Variants in NCBP2 observed in about 807,000 individuals in gnomAD.
NCBP2 encodes nuclear cap binding protein subunit 2.
Under a neutral mutation model 21.5 loss-of-function variants are expected in NCBP2, and 8 were observed. That is an observed-to-expected ratio of 0.37 (90% CI 0.22 to 0.67). NCBP2 has a LOEUF of 0.67. Ranked by LOEUF, NCBP2 falls within the 30% of genes least tolerant of loss-of-function variation. The pLI, the probability that NCBP2 is intolerant of heterozygous loss-of-function variation, is 0.56. For synonymous variants in NCBP2, 92 were observed against 75.8 expected (o/e 1.21, Z -1.11); for missense variants, 127 against 206.9 (o/e 0.61, Z 2.37).
At chr3:196,937,355 T>TC in intron 3 of NCBP2, 155 bp downstream of exon 3, 1 of 1,155,116 alleles carries the variant, frequency 8.7e-7, no homozygotes, top group Non-Finnish European at 1.2e-6. Flanking sequence ...AAAAAAAAAA[T>TC]TCACCCAAAC....
chr3:196,939,302 A>C lies in NCBP2; in HGVS notation c.209T>G (p.Ile70Ser). ...FSKSGDIKKI[I>S]MGLDKMKKTA... ...TTTCTTCATTTTATCCAGACCCATA[A>C]TGATTTTCTTTATGTCACCACTTTT... The change falls in exon 2 of 4, where the codon ATT (isoleucine) becomes AGT (serine). Residue 70 changes from isoleucine (I) to serine (S), a missense_variant. Coordinates refer to ENST00000321256, the MANE Select transcript of NCBP2 (RefSeq NM_007362.5). 6.2e-7 allele frequency: 1 copy of C among 1,613,978 alleles called. No individual in the cohort carries two copies. Among genetic ancestry groups the C allele is most frequent in the Non-Finnish European group, 8.5e-7 (1 of 1,179,848 alleles).
At chr3:196,939,180 G>C in intron 2 of NCBP2, 71 bp downstream of exon 2, 1 of 1,396,166 alleles carries the variant, frequency 7.2e-7, no homozygotes, top group East Asian at 2.3e-5. Flanking sequence ...ACGAGTGCAG[G>C]GACGCTTATG....
At chr3:196,940,183 A>G (rs1716465681) in intron 1 of NCBP2, 1 of 152,196 alleles carries the variant, frequency 6.6e-6, no homozygotes, top group African/African-American at 2.4e-5. Context: ...TGGCTAACAT[A>G]GTGAATGAAA....
In NCBP2 at chr3:196,937,743, C is replaced by G. The variant is rs775487281; in HGVS notation, c.261-95G>C. On this transcript the variant is annotated intron_variant, in intron 2 of 3. Transcript: ENST00000321256. ...GCTGAGTTGTTAAAAAGTACAAGAG[C>G]TAATCCAACCAGATGGAGTTCAAAG... 3.8e-4 allele frequency: 558 copies of G among 1,462,986 alleles called. 3 individuals carry two copies. The highest frequency in any genetic ancestry group is 3.0e-3 in the Middle Eastern group (17 of 5,710). 90.6% of individuals were successfully genotyped at this position (1,462,986 alleles called of 1,614,324 possible).
chr3:196,937,724 T>C, intron 2 of NCBP2, 76 bp from the exon 3 acceptor site: 5 of 1,569,300 alleles, frequency 3.2e-6, no homozygotes, highest in Non-Finnish European at 4.3e-6. Flanking sequence ...TGAAGCTGAG[T>C]TGTTAAAAAG....
At position 196,935,998 on chromosome 3, in the gene NCBP2, A is replaced by G. The variant is rs1383775054; in HGVS notation, c.*1013T>C. On this transcript the variant is annotated 3_prime_UTR_variant, in exon 4 of 4. Coordinates refer to ENST00000321256, the MANE Select transcript of NCBP2 (RefSeq NM_007362.5). Reference sequence around the variant, plus strand: ...GTGACTGTCAAACATTCCCTCTTCAAGCTCCCTTTTAAAACCCAGTCCATT... The same window carrying G: ...GTGACTGTCAAACATTCCCTCTTCAGGCTCCCTTTTAAAACCCAGTCCATT... The G allele has an allele frequency of 1.3e-5, 2 of 152,298 alleles. No homozygotes were observed. The highest frequency in any genetic ancestry group is 1.3e-4 in the Admixed American group (2 of 15,294). The allele number at this position is 152,298 out of a possible 1,614,324, so 9.4% of individuals were successfully genotyped here. A position where few individuals can be genotyped will look rare whatever the true frequency, so the allele number is the denominator to read the frequency against.
chr3:196,939,215 G>C, intron 2 of NCBP2, 36 bp downstream of exon 2: 1 of 1,583,746 alleles, frequency 6.3e-7, no homozygotes, highest in Non-Finnish European at 8.7e-7. Context: ...GCTCTACCCT[G>C]GTTCAGCAGC....
In NCBP2 at chr3:196,936,167, C is replaced by A. The variant is rs1025351997; in HGVS notation, c.*844G>T. 3 of 152,182 alleles carry A rather than the reference C, an allele frequency of 2.0e-5. No individual in the cohort carries two copies. The highest frequency in any genetic ancestry group is 4.4e-5 in the Non-Finnish European group (3 of 68,032). 9.4% of individuals were successfully genotyped at this position (152,182 alleles called of 1,614,324 possible). A position where few individuals can be genotyped will look rare whatever the true frequency, so the allele number is the denominator to read the frequency against. On this transcript the variant is annotated 3_prime_UTR_variant, in exon 4 of 4. Coordinates refer to ENST00000321256, the MANE Select transcript of NCBP2 (RefSeq NM_007362.5). The stretch of plus-strand genomic sequence containing the variant: ...AATTATTTAGAGGTTCCCTCTATGA[C>A]AAACCCTTGCTTTTTTTTAGCTTTA...
rs1716252870 is a variant in NCBP2 at position 196,936,155 on chromosome 3, T to A, written c.*856A>T. On this transcript the variant is annotated 3_prime_UTR_variant, in exon 4 of 4. Transcript: ENST00000321256. ...CCCTACCCCTGAAATTATTTAGAGG[T>A]TCCCTCTATGACAAACCCTTGCTTT... The A allele has an allele frequency of 1.3e-5, 2 of 152,200 alleles. No homozygotes were observed. The highest frequency in any genetic ancestry group is 2.9e-5 in the Non-Finnish European group (2 of 68,038). 9.4% of individuals were successfully genotyped at this position (152,200 alleles called of 1,614,324 possible). A position where few individuals can be genotyped will look rare whatever the true frequency, so the allele number is the denominator to read the frequency against.
chr3:196,940,437 G>A (rs1463383466), intron 1 of NCBP2, among the ~76,000 whole-genome samples: 3 of 151,902 alleles, frequency 2.0e-5, no homozygotes, highest in African/African-American at 7.3e-5. Flanking sequence ...GAACTTTGGA[G>A]TGAGACATTA....
At position 196,939,395 on chromosome 3, in the gene NCBP2, C is replaced by G; in HGVS notation, c.116G>C (p.Ser39Thr). Residue 39 changes from serine (S) to threonine (T), a missense_variant, in exon 2 of 4, where the codon AGC (serine) becomes ACC (threonine). Transcript: ENST00000321256. Reference sequence around the variant, plus strand: ...AAGATTTCCAACATATAACGTACAGCTTTTCTTCAGTAATTTTTCTTGTTC... The same window carrying G: ...AAGATTTCCAACATATAACGTACAGGTTTTCTTCAGTAATTTTTCTTGTTC... The part of the protein sequence containing the change: ...NEEQEKLLKK[S>T]CTLYVGNLSF... The G allele has an allele frequency of 6.2e-7, 1 of 1,609,330 alleles. No homozygotes were observed. The highest frequency in any genetic ancestry group is 8.5e-7 in the Non-Finnish European group (1 of 1,177,994).
chr3:196,939,244 A>G lies in NCBP2; in HGVS notation c.260+7T>C. 6.2e-7 allele frequency: 1 copy of G among 1,610,900 alleles called. No individual in the cohort carries two copies. The highest frequency in any genetic ancestry group is 8.5e-7 in the Non-Finnish European group (1 of 1,177,072). On this transcript the variant is annotated splice_region_variant and intron_variant, in intron 2 of 3. Transcript: ENST00000321256. ...CAGCAGCTACATTAGATCCATGGGA[A>G]GGATACTCCACAAAACAGAATCCAC...
At chr3:196,942,020 C>G in intron 1 of NCBP2, 2 of 1,535,726 alleles carry the variant, frequency 1.3e-6, no homozygotes, top group Non-Finnish European at 1.7e-6. Context: ...AAAAACAAAG[C>G]AAAAAGCCCC....
In NCBP2 at chr3:196,942,102, T is replaced by C. The variant is rs920554238; in HGVS notation, c.78+324A>G. The C allele has an allele frequency of 4.7e-6, 7 of 1,487,498 alleles. No homozygotes were observed. The African/African-American group carries it at 9.8e-5, about 21-fold the overall frequency. 92.1% of individuals were successfully genotyped at this position (1,487,498 alleles called of 1,614,324 possible). ...GGCACCCCTCCCCCTTGCTACGTAG[T>C]CGTCTGCGGAGGCACAACCGTGGAA... On this transcript the variant is annotated intron_variant, in intron 1 of 3. Coordinates refer to ENST00000321256, the MANE Select transcript of NCBP2 (RefSeq NM_007362.5).
intron 3 of NCBP2, 148 bp from the exon 4 acceptor site, chr3:196,937,230 C>A: frequency 1.2e-6 from 1 of 861,336 alleles, no homozygotes; most frequent in Non-Finnish European, 1.9e-6. Context: ...CAGCTCACTT[C>A]AGTGCGTTTT....
At position 196,935,651 on chromosome 3, in the gene NCBP2, G is replaced by GGAGA. The variant is rs1348220763; in HGVS notation, c.*1356_*1359dup. The GGAGA allele has an allele frequency of 6.6e-6, 1 of 152,128 alleles. No individual in the cohort carries two copies. The highest frequency in any genetic ancestry group is 1.5e-5 in the Non-Finnish European group (1 of 68,028). 9.4% of individuals were successfully genotyped at this position (152,128 alleles called of 1,614,324 possible). A position where few individuals can be genotyped will look rare whatever the true frequency, so the allele number is the denominator to read the frequency against. ...TCAGATTTCTACACTCAGTTTAACGGGAGAGACATTCACACTTAGGTACTT... is the reference window on the plus strand; with the variant it reads ...TCAGATTTCTACACTCAGTTTAACGGGAGAGAGAGACATTCACACTTAGGTACTT... On this transcript the variant is annotated 3_prime_UTR_variant, in exon 4 of 4. Coordinates refer to ENST00000321256, the MANE Select transcript of NCBP2 (RefSeq NM_007362.5).
Position 196,936,612 on chromosome 3 carries a change from A to AAAT in NCBP2, c.*396_*398dup, listed in dbSNP as rs537079407. 70 of 173,766 alleles carry AAAT rather than the reference A, an allele frequency of 4.0e-4. 2 individuals carry two copies. In the South Asian group the frequency reaches 8.3e-3, roughly 21 times the overall value. The allele number at this position is 173,766 out of a possible 1,614,324, so 10.8% of individuals were successfully genotyped here. On this transcript the variant is annotated 3_prime_UTR_variant, in exon 4 of 4. Transcript: ENST00000321256. Reference sequence around the variant, plus strand: ...TATTAGGCTATCTCATGCAAACTTAAAATTAAAAAAATAATCCCAGGCCCC... The same window carrying AAAT: ...TATTAGGCTATCTCATGCAAACTTAAAATAATTAAAAAAATAATCCCAGGCCCC...
chr3:196,937,227 C>T (rs1716305870), intron 3 of NCBP2, 145 bp from the exon 4 acceptor site: 1 of 872,392 alleles, frequency 1.1e-6, no homozygotes, highest in South Asian at 1.5e-5. Flanking sequence ...CTTCAGCTCA[C>T]TTCAGTGCGT....
intron 1 of NCBP2, among the ~76,000 whole-genome samples, 170 bp from the exon 2 acceptor site, chr3:196,939,602 C>G (rs1264619453): frequency 6.6e-6 from 1 of 152,178 alleles, no homozygotes; most frequent in Non-Finnish European, 1.5e-5. Flanking sequence ...TTCTGTGAAG[C>G]ACTTATGCGA....
Sources: gnomAD v4.1 joint callset for allele counts (sites outside exome capture counted in the v4.1 genomes callset) on GRCh38, gnomAD v4.1.1 for gene constraint, MANE v1.5 for transcripts, NCBI Gene and HGNC (gene_info 2026-07-23, HGNC 2026-07-21) for gene names.